AP1G1: variants seen among roughly 807,000 people sequenced by gnomAD.
AP1G1 encodes the protein AP-1 complex subunit gamma-1.
AP1G1 carries 7 observed loss-of-function variants against 108.3 expected under a neutral mutation model. The ratio of observed to expected loss-of-function variants is 0.06; its 90% CI spans 0.04 to 0.12. The LOEUF (loss-of-function observed/expected upper bound fraction) is 0.12, where lower values mean the gene tolerates loss of function less well. AP1G1 is among the 10% of genes least tolerant of loss of function. The pLI is 1.00. For missense variants in AP1G1, 756 were observed against 1,010.7 expected (o/e 0.75, Z 3.42); for synonymous variants, 379 against 353.5 (o/e 1.07, Z -0.81).
At chr16:71,808,197 A>G (rs945041520) in intron 1 of AP1G1, 2 of 988,788 alleles carry the variant, frequency 2.0e-6, no homozygotes, top group African/African-American at 6.0e-5. Flanking sequence ...TGAAAAAAAC[A>G]AAACAACAAC....
chr16:71,734,769 C>G, intron 21 of AP1G1, 62 bp from the exon 22 acceptor site: 6 of 1,366,864 alleles, frequency 4.4e-6, no homozygotes, highest in Non-Finnish European at 6.3e-6. Flanking sequence ...TCAGAGATAC[C>G]AAAAACCATT....
intron 1 of AP1G1, among the ~76,000 whole-genome samples, chr16:71,805,036 T>C (rs2032949859): frequency 1.3e-5 from 2 of 151,352 alleles, no homozygotes; most frequent in Admixed American, 1.3e-4. Context: ...AAAAATAAAA[T>C]TGCTTGTTAC....
At chr16:71,736,117 A>AAAAAAAAAAAAAAAAATAT (rs1555550846) in intron 21 of AP1G1, among the ~76,000 whole-genome samples, 1 of 71,636 alleles carries the variant, frequency 1.4e-5, no homozygotes, top group East Asian at 4.8e-4. Flanking sequence ...AAAAAAAAAA[A>AAAAAAAAAAAAAAAAATAT]ATATATATAT....
At chr16:71,793,616 C>T (rs192220082) in intron 1 of AP1G1, among the ~76,000 whole-genome samples, 1 of 152,284 alleles carries the variant, frequency 6.6e-6, no homozygotes, top group Admixed American at 6.5e-5. Context: ...CAAAAAGTAG[C>T]CAACTCCCAC....
chr16:71,775,915 G>A lies in AP1G1; in HGVS notation c.202-1323C>T, dbSNP rs2031764909. 1.3e-5 allele frequency among the ~76,000 whole-genome samples: 2 copies of A among 152,156 alleles called. 1 individual carries two copies. The highest frequency in any genetic ancestry group is 4.1e-4 in the South Asian group (2 of 4,834). ...GTAAATTAGTTTGTCCCTCTACTTT[G>A]CCTTTCTTGAACCACCTTCAAAATC... On this transcript the variant is annotated intron_variant, in intron 2 of 22. Coordinates refer to ENST00000299980, the MANE Select transcript of AP1G1 (RefSeq NM_001128.6).
intron 1 of AP1G1, chr16:71,807,668 G>C: frequency 1.9e-6 from 1 of 529,028 alleles, no homozygotes; most frequent in Non-Finnish European, 3.1e-6. Flanking sequence ...ATCATTACAA[G>C]TATTTTTTAG....
Position 71,729,491 on chromosome 16 carries a change from T to C in AP1G1, c.*3567A>G, listed in dbSNP as rs2045458682. The C allele has an allele frequency of 6.6e-6, 1 of 151,858 alleles. No individual in the cohort carries two copies. The highest frequency in any genetic ancestry group is 1.5e-5 in the Non-Finnish European group (1 of 67,956). 9.4% of individuals were successfully genotyped at this position (151,858 alleles called of 1,614,324 possible). On this transcript the variant is annotated 3_prime_UTR_variant, in exon 23 of 23. Coordinates refer to ENST00000299980, the MANE Select transcript of AP1G1 (RefSeq NM_001128.6). ...CCATCTTGAAGCCAGAATCAGCCTCTTGGAAGTCTGTAAAGCAACTGTGCA... is the reference window on the plus strand; with the variant it reads ...CCATCTTGAAGCCAGAATCAGCCTCCTGGAAGTCTGTAAAGCAACTGTGCA...
chr16:71,751,911 C>T (rs2030527442), intron 13 of AP1G1, among the ~76,000 whole-genome samples: 1 of 152,122 alleles, frequency 6.6e-6, no homozygotes, highest in Non-Finnish European at 1.5e-5. Flanking sequence ...GAACATACTT[C>T]TAAATAACAC....
At chr16:71,800,276 C>A (rs1190215536) in intron 1 of AP1G1, among the ~76,000 whole-genome samples, 2 of 147,212 alleles carry the variant, frequency 1.4e-5, no homozygotes, top group Non-Finnish European at 3.0e-5. Context: ...GAGGCTGAGG[C>A]AGGAGAATGG....
At chr16:71,799,815 C>T (rs1343151170) in intron 1 of AP1G1, among the ~76,000 whole-genome samples, 1 of 151,802 alleles carries the variant, frequency 6.6e-6, no homozygotes, top group Non-Finnish European at 1.5e-5. Flanking sequence ...AGGAGAATGG[C>T]GTGAACCCAG....
At chr16:71,738,215 T>A (rs2045574124) in intron 21 of AP1G1, among the ~76,000 whole-genome samples, 1 of 146,240 alleles carries the variant, frequency 6.8e-6, no homozygotes, top group African/African-American at 2.4e-5. Flanking sequence ...CACGCCCGGC[T>A]AATTTTTTTT....
chr16:71,782,556 G>C (rs1349580731), intron 2 of AP1G1, among the ~76,000 whole-genome samples: 1 of 151,656 alleles, frequency 6.6e-6, no homozygotes, highest in Non-Finnish European at 1.5e-5. Context: ...GCGCAGTCTT[G>C]GCTCACTGCA....
rs556023329 is a variant in AP1G1 at position 71,788,622 on chromosome 16, GC to G, written c.201+656del. ...TGTGAACTTCTCCACACAACGCTGT[GC>G]CCAGATAAAGCAATTAAGAAGACAT... is the stretch of plus-strand genomic sequence containing the variant. On this transcript the variant is annotated intron_variant, in intron 2 of 22. Transcript: ENST00000299980. Among the ~76,000 whole-genome samples, 34 of 151,578 alleles carry G rather than the reference GC, an allele frequency of 2.2e-4. 1 individual carries two copies. In the South Asian group the frequency reaches 6.5e-3, roughly 29 times the overall value.
At chr16:71,741,951 T>C (rs1348538282) in intron 19 of AP1G1, among the ~76,000 whole-genome samples, 1 of 152,192 alleles carries the variant, frequency 6.6e-6, no homozygotes, top group Non-Finnish European at 1.5e-5. Context: ...CCAAACCCTT[T>C]AAAAACACAT....
chr16:71,766,299 G>C (rs535380385), intron 6 of AP1G1: 5 of 235,420 alleles, frequency 2.1e-5, no homozygotes, highest in African/African-American at 4.6e-5. Flanking sequence ...CTGTTTTCTT[G>C]TCTTTTCAAT....
intron 19 of AP1G1, 33 bp from the exon 20 acceptor site, chr16:71,739,374 T>C: frequency 1.3e-6 from 2 of 1,504,104 alleles, no homozygotes; most frequent in Non-Finnish European, 1.8e-6. Flanking sequence ...AAGTTAACCT[T>C]AGGCAGCATG....
Position 71,734,689 on chromosome 16 carries a change from A to T in AP1G1, c.2287T>A (p.Leu763Met). Residue 763 changes from leucine (L) to methionine (M), a missense_variant, in exon 22 of 23, where the codon TTG (leucine) becomes ATG (methionine). Around this residue, in one of 3 missense-constraint regions of AP1G1, gnomAD observed 95 missense variants for 160.5 expected, o/e 0.59. Transcript: ENST00000299980. ...GGGACAATGCTGCTGCTAGGAGACA[A>T]GAGCTGCAGCTGGAATGTCTAGGGG... ...AVPKTFQLQLLSPSSSIVPAF... is the reference protein window; with the variant it reads ...AVPKTFQLQLMSPSSSIVPAF... The T allele has an allele frequency of 6.2e-7, 1 of 1,613,898 alleles. No homozygotes were observed. Among genetic ancestry groups the T allele is most frequent in the African/African-American group, 1.3e-5 (1 of 75,038 alleles).
chr16:71,736,361 A>G (rs1045639279), intron 21 of AP1G1, among the ~76,000 whole-genome samples: 1 of 148,346 alleles, frequency 6.7e-6, no homozygotes, highest in Non-Finnish European at 1.5e-5. Flanking sequence ...AAATTAGTAC[A>G]TAGTAGAACC....
chr16:71,764,318 A>T, intron 9 of AP1G1, 32 bp downstream of exon 9: 1 of 1,341,810 alleles, frequency 7.5e-7, no homozygotes, highest in Non-Finnish European at 1.0e-6. Context: ...TGAAACATTT[A>T]GGGGGGGAAG....
Sources: gnomAD v4.1 joint callset for allele counts (sites outside exome capture counted in the v4.1 genomes callset) on GRCh38, gnomAD v4.1.1 for gene constraint, gnomAD v4.1.1 regional missense constraint, MANE v1.5 for transcripts, NCBI Gene and HGNC (gene_info 2026-07-23, HGNC 2026-07-21) for gene names.